PSD3: variants seen among roughly 807,000 people sequenced by gnomAD.
PSD3 encodes the protein PH and SEC7 domain-containing protein 3.
PSD3 carries 49 observed loss-of-function variants against 105.5 expected under a neutral mutation model. The ratio of observed to expected loss-of-function variants is 0.46; its 90% confidence interval spans 0.37 to 0.59. PSD3 has a LOEUF of 0.59. PSD3 is among the 20% of genes least tolerant of loss of function. The pLI is 0.00. For synonymous variants in PSD3, 557 were observed against 457.8 expected (o/e 1.22, Z -2.77); for missense variants, 1,561 against 1,263.8 (o/e 1.24, Z -3.57).
chr8:18,867,807 G>A lies in PSD3; in HGVS notation c.1501C>T (p.His501Tyr), dbSNP rs762465482. Reference sequence around the variant, plus strand: ...GCAGACACACTCAGGATATCCTGATGTCCTCCCCCTGATGTCCTCTCCAAG... The same window carrying A: ...GCAGACACACTCAGGATATCCTGATATCCTCCCCCTGATGTCCTCTCCAAG... ...QFLERTSGGG[H>Y]QDILSVSADG... The change falls in exon 4 of 16, where the codon CAT becomes TAT. Residue 501 changes from histidine (H) to tyrosine (Y), a missense_variant. Transcript: ENST00000327040. 2.5e-6 allele frequency: 4 copies of A among 1,614,136 alleles called. No homozygotes were observed. The highest frequency in any genetic ancestry group is 2.2e-5 in the South Asian group (2 of 91,084).
intron 8 of PSD3, among the ~76,000 whole-genome samples, chr8:18,769,303 G>A (rs335218): frequency 0.45 from 69,011 of 151,912 alleles, 18,453 homozygotes; most frequent in Non-Finnish European, 0.61. Context: ...TTTGATATGT[G>A]ATCTGCAAAA....
chr8:18,755,439 T>TAACAA lies in PSD3; in HGVS notation c.2172+10009_2172+10010insTTGTT, dbSNP rs1490972243. ...AGTGAGACCCTGTCTCAACATAACA[T>TAACAA]AACATAACATAACATAACATAACAT... On this transcript the variant is annotated intron_variant, in intron 9 of 15. Transcript: ENST00000327040. Among the ~76,000 whole-genome samples the TAACAA allele has an allele frequency of 2.6e-4, 38 of 147,530 alleles. 1 individual carries two copies. Among genetic ancestry groups the TAACAA allele is most frequent in the Non-Finnish European group, 5.6e-4 (37 of 66,184 alleles).
At chr8:18,658,815 A>AT (rs1809093117) in intron 9 of PSD3, among the ~76,000 whole-genome samples, 1 of 152,046 alleles carries the variant, frequency 6.6e-6, no homozygotes, top group African/African-American at 2.4e-5. Context: ...GATCATAAAA[A>AT]GTATGCTCTA....
At chr8:18,688,696 G>A (rs1411068135) in intron 9 of PSD3, among the ~76,000 whole-genome samples, 1 of 152,134 alleles carries the variant, frequency 6.6e-6, no homozygotes, top group Admixed American at 6.5e-5. Context: ...CAATCATGGT[G>A]TTAGGTACAT....
intron 1 of PSD3, among the ~76,000 whole-genome samples, chr8:18,973,626 C>T (rs1490998641): frequency 6.6e-6 from 1 of 152,156 alleles, no homozygotes; most frequent in African/African-American, 2.4e-5. Context: ...AGAACTTGAA[C>T]ATGTGAATTT....
At chr8:19,049,340 T>A (rs557262286) in intron 1 of PSD3, among the ~76,000 whole-genome samples, 2 of 152,248 alleles carry the variant, frequency 1.3e-5, no homozygotes, top group South Asian at 4.1e-4. Flanking sequence ...CTAAGCCATA[T>A]GTTTGAATGA....
At chr8:18,988,216 A>C (rs1825607008) in intron 1 of PSD3, among the ~76,000 whole-genome samples, 1 of 152,178 alleles carries the variant, frequency 6.6e-6, no homozygotes, top group African/African-American at 2.4e-5. Flanking sequence ...TACATAAAAC[A>C]TGTGAGTCCT....
At chr8:18,731,875 AG>A (rs1444532526) in intron 9 of PSD3, among the ~76,000 whole-genome samples, 1 of 152,220 alleles carries the variant, frequency 6.6e-6, no homozygotes, top group African/African-American at 2.4e-5. Context: ...TGTTTACCCT[AG>A]ATCCTTCTGC....
chr8:18,575,768 T>C (rs1305072080), intron 12 of PSD3, among the ~76,000 whole-genome samples: 1 of 152,182 alleles, frequency 6.6e-6, no homozygotes. Flanking sequence ...CCTGTTACTT[T>C]CTGTTTAGAC....
intron 1 of PSD3, among the ~76,000 whole-genome samples, chr8:18,955,436 G>C (rs977581718): frequency 1.3e-5 from 2 of 152,026 alleles, no homozygotes; most frequent in African/African-American, 4.8e-5. Context: ...TGTTAATGTT[G>C]ATATATTTTC....
chr8:18,600,815 G>C (rs895106789), intron 11 of PSD3, among the ~76,000 whole-genome samples: 1 of 152,162 alleles, frequency 6.6e-6, no homozygotes, highest in African/African-American at 2.4e-5. Flanking sequence ...CCAAGAGAAA[G>C]CTTAAAGAGC....
intron 2 of PSD3, among the ~76,000 whole-genome samples, chr8:18,885,622 T>G (rs1563384520): frequency 1.3e-5 from 2 of 152,176 alleles, no homozygotes; most frequent in Admixed American, 1.3e-4. Flanking sequence ...CTCCAGTGTG[T>G]AGCAGACTCA....
intron 1 of PSD3, 152 bp downstream of exon 1, chr8:19,013,411 G>C (rs1386923143): frequency 3.0e-6 from 3 of 1,006,604 alleles, no homozygotes; most frequent in Non-Finnish European, 2.8e-6. Flanking sequence ...AGCGCGAAGA[G>C]AAAAATCGCA....
At chr8:18,762,098 C>T (rs1806589094) in intron 9 of PSD3, among the ~76,000 whole-genome samples, 1 of 152,132 alleles carries the variant, frequency 6.6e-6, no homozygotes, top group Admixed American at 6.6e-5. Flanking sequence ...CACCAAAACT[C>T]ATGTTGAATA....
chr8:18,766,914 C>T (rs1038610), intron 8 of PSD3, among the ~76,000 whole-genome samples: 76,398 of 152,048 alleles, frequency 0.5, 20,729 homozygotes, highest in Non-Finnish European at 0.6. Flanking sequence ...ATGGGAAATA[C>T]GCCTATCCCT....
chr8:18,801,128 C>T, intron 7 of PSD3, 142 bp downstream of exon 7: 1 of 517,664 alleles, frequency 1.9e-6, no homozygotes, highest in African/African-American at 2.0e-5. Flanking sequence ...ATTAAATAGA[C>T]TAGAATGAAG....
At chr8:18,566,648 C>A (rs1425927743) in intron 14 of PSD3, among the ~76,000 whole-genome samples, 2 of 152,060 alleles carry the variant, frequency 1.3e-5, no homozygotes, top group African/African-American at 4.8e-5. Context: ...TGGCGGAGAT[C>A]ATCTCATTTC....
chr8:18,923,017 T>C (rs1390091183), intron 2 of PSD3, among the ~76,000 whole-genome samples: 2 of 152,156 alleles, frequency 1.3e-5, no homozygotes, highest in African/African-American at 4.8e-5. Context: ...CATTGGCTAT[T>C]GGTGATTTCC....
intron 12 of PSD3, among the ~76,000 whole-genome samples, chr8:18,584,308 G>A (rs1204740465): frequency 4.6e-5 from 7 of 152,208 alleles, no homozygotes; most frequent in South Asian, 2.1e-4. Context: ...CAGTGGCCAA[G>A]TTAGTTGAAG....
Sources: allele counts gnomAD v4.1 joint callset (sites outside exome capture counted in the v4.1 genomes callset), GRCh38; gene constraint gnomAD v4.1.1; transcripts MANE v1.5; gene names NCBI Gene and HGNC (gene_info 2026-07-23, HGNC 2026-07-21).